Variants in NDUFS1 observed in about 807,000 individuals in gnomAD.
The protein encoded by NDUFS1 is NADH-ubiquinone oxidoreductase 75 kDa subunit, mitochondrial.
In NDUFS1, 61 loss-of-function variants were observed where a neutral mutation model predicts 84.4. That is an observed-to-expected ratio of 0.72 (90% CI 0.59 to 0.89). The LOEUF (loss-of-function observed/expected upper bound fraction) is 0.89. Among genes scored for constraint, NDUFS1 ranks in the 40% least tolerant of loss-of-function variants. The probability of loss-of-function intolerance (pLI) is 0.00; values close to 1 mark genes in which losing one functional copy is unlikely to be tolerated. For missense variants in NDUFS1, 891 were observed against 890.0 expected, an observed-to-expected ratio of 1.00 and a Z score of -0.01; for synonymous variants, 275 against 290.0, an observed-to-expected ratio of 0.95 and a Z score of 0.53.
chr2:206,150,678 T>C (rs539708036), intron 3 of NDUFS1, among the ~76,000 whole-genome samples: 109 of 152,232 alleles, frequency 7.2e-4, no homozygotes, highest in Non-Finnish European at 1.4e-3. Context: ...CTTATGCTGA[T>C]TATGTCCAAA....
Position 206,126,793 on chromosome 2 carries a change from A to G in NDUFS1, c.1936T>C (p.Leu646=), listed in dbSNP as rs759639252. Residue 646 remains leucine, a synonymous_variant, in exon 17 of 19, where the codon TTG becomes CTG. Coordinates refer to ENST00000233190, the MANE Select transcript of NDUFS1 (RefSeq NM_005006.7). ...ACAAGATTAGGAGAGACTTCTTCCA[A>G]TCTGTTCCTTACTTGATCCAGAGTA... is the stretch of plus-strand genomic sequence containing the variant. The part of the protein sequence containing the change: ...YDTLDQVRNR[L]EEVSPNLVRY... 35 of 1,614,052 alleles carry G rather than the reference A, an allele frequency of 2.2e-5. No individual in the cohort carries two copies. Among genetic ancestry groups the G allele is most frequent in the Middle Eastern group, 1.6e-4 (1 of 6,084 alleles).
chr2:206,139,657 A>C (rs933073550), intron 12 of NDUFS1, among the ~76,000 whole-genome samples: 7 of 152,084 alleles, frequency 4.6e-5, no homozygotes, highest in Non-Finnish European at 7.4e-5. Context: ...CTATGGCTCC[A>C]GTTCCTCCAA....
At position 206,115,964 on chromosome 2, in the gene NDUFS1, T is replaced by C. The variant is rs1164783941; in HGVS notation, c.*8221A>G. The C allele has an allele frequency of 1.5e-5, 10 of 686,794 alleles. No individual in the cohort carries two copies. The highest frequency in any genetic ancestry group is 1.1e-4 in the Admixed American group (5 of 44,162). The allele number at this position is 686,794 out of a possible 1,614,324, so 42.5% of individuals were successfully genotyped here. On this transcript the variant is annotated 3_prime_UTR_variant, in exon 19 of 19. Transcript: ENST00000233190. ...AATCATTAGAAAGTTAAAAGGCATC[T>C]TCTTTCATTAGCAGTGTTAACAGTA...
chr2:206,147,682 G>A (rs573688842), intron 6 of NDUFS1, 21 bp from the exon 7 acceptor site: 2 of 1,614,018 alleles, frequency 1.2e-6, no homozygotes, highest in African/African-American at 1.3e-5. Context: ...TTATGAAAGA[G>A]TCAATCTCAT....
chr2:206,132,461 G>T (rs1302680145), intron 14 of NDUFS1, among the ~76,000 whole-genome samples: 1 of 152,058 alleles, frequency 6.6e-6, no homozygotes, highest in Non-Finnish European at 1.5e-5. Context: ...TGCGCCTGTA[G>T]CTTCAGCCAT....
At position 206,122,639 on chromosome 2, in the gene NDUFS1, A is replaced by AAAAAAAAAAAAAAAC. The variant is rs1559038202; in HGVS notation, c.*1545_*1546insGTTTTTTTTTTTTTT. 1 of 146,714 alleles carries AAAAAAAAAAAAAAAC rather than the reference A, an allele frequency of 6.8e-6. No individual in the cohort carries two copies. Among genetic ancestry groups the AAAAAAAAAAAAAAAC allele is most frequent in the Non-Finnish European group, 1.5e-5 (1 of 66,784 alleles). The allele number at this position is 146,714 out of a possible 1,614,324, so 9.1% of individuals were successfully genotyped here. On this transcript the variant is annotated 3_prime_UTR_variant, in exon 19 of 19. Coordinates refer to ENST00000233190, the MANE Select transcript of NDUFS1 (RefSeq NM_005006.7). The stretch of plus-strand genomic sequence containing the variant: ...AGTAAGACTCCATCTCAAAAAAAAA[A>AAAAAAAAAAAAAAAC]AAAAAACAAAGGGAAAAAGGGCATC...
At position 206,149,933 on chromosome 2, in the gene NDUFS1, TAAAAAAAAAAAA is replaced by T. The variant is rs568965659; in HGVS notation, c.154-20_154-9del. The T allele has an allele frequency of 6.6e-5, 40 of 604,122 alleles. No homozygotes were observed. The highest frequency in any genetic ancestry group is 1.1e-3 in the Middle Eastern group (2 of 1,892). 37.4% of individuals were successfully genotyped at this position (604,122 alleles called of 1,614,324 possible). On this transcript the variant is annotated splice_polypyrimidine_tract_variant and intron_variant, in intron 3 of 18. Coordinates refer to ENST00000233190, the MANE Select transcript of NDUFS1 (RefSeq NM_005006.7). ...GCCAACCTTCTCACAAGCCTAGAAG[TAAAAAAAAAAAA>T]AAAAAAAAAAAAAGCATTAGAATAA...
intron 12 of NDUFS1, among the ~76,000 whole-genome samples, chr2:206,140,044 T>C (rs1691876040): frequency 6.6e-6 from 1 of 151,990 alleles, no homozygotes; most frequent in Non-Finnish European, 1.5e-5. Context: ...AATAATATTG[T>C]ATCAAAACTA....
At chr2:206,126,487 T>C (rs1234464030) in intron 18 of NDUFS1, 52 bp downstream of exon 18, 1 of 1,504,240 alleles carries the variant, frequency 6.6e-7, no homozygotes, top group Non-Finnish European at 9.2e-7. Context: ...TGAGGTGATC[T>C]GATTACTTCT....
chr2:206,125,979 T>TAA (rs879547005), intron 18 of NDUFS1, among the ~76,000 whole-genome samples: 2 of 152,228 alleles, frequency 1.3e-5, no homozygotes, highest in Admixed American at 1.3e-4. Flanking sequence ...TAAAAAATCT[T>TAA]AGATACAAAC....
At chr2:206,142,168 A>G in intron 11 of NDUFS1, 99 bp from the exon 12 acceptor site, 1 of 1,035,710 alleles carries the variant, frequency 9.7e-7, no homozygotes, top group Non-Finnish European at 1.4e-6. Flanking sequence ...TGCCTTCTCA[A>G]ACAAAAAATT....
intron 16 of NDUFS1, 135 bp downstream of exon 16, chr2:206,127,647 GTTTCTGAATACATGT>G (rs1435406900): frequency 1.6e-5 from 14 of 852,188 alleles, no homozygotes; most frequent in Non-Finnish European, 2.4e-5. Context: ...TTGAATTCCT[GTTTCTGAATACATGT>G]TTTCTATAGA....
intron 1 of NDUFS1, among the ~76,000 whole-genome samples, chr2:206,155,751 G>T (rs985154887): frequency 1.4e-5 from 2 of 147,960 alleles, no homozygotes; most frequent in Non-Finnish European, 3.0e-5. Flanking sequence ...ATGGGGTTTC[G>T]CCATGTTGGC....
intron 10 of NDUFS1, among the ~76,000 whole-genome samples, chr2:206,143,110 G>A (rs547835940): frequency 6.6e-6 from 1 of 152,132 alleles, no homozygotes; most frequent in Admixed American, 6.6e-5. Flanking sequence ...AAATCAGCTG[G>A]GCATGGTGGC....
rs1465163788 is a variant in NDUFS1, at chr2:206,152,544, T to A, written c.62-34A>T. On this transcript the variant is annotated intron_variant, in intron 2 of 18. Transcript: ENST00000233190. ...CAAAGATATTGAAGCGAAAAACAGA[T>A]TAACAGTTTATTATAGCAGATGATA... The A allele has an allele frequency of 7.6e-6, 12 of 1,573,500 alleles. No individual in the cohort carries two copies. The African/African-American group carries it at 1.6e-4, about 21-fold the overall frequency.
In NDUFS1 at chr2:206,116,759, C is replaced by T. The variant is rs560073045; in HGVS notation, c.*7426G>A. On this transcript the variant is annotated 3_prime_UTR_variant, in exon 19 of 19. Transcript: ENST00000233190. ...AAAATTAGCTGGGCGCGGTGGCTTA[C>T]GCCTGTAATCCCAGCACTTTGGGAG... The T allele has an allele frequency of 2.1e-4, 46 of 223,160 alleles. No individual in the cohort carries two copies. In the South Asian group the frequency reaches 2.8e-3, roughly 14 times the overall value. The allele number at this position is 223,160 out of a possible 1,614,324, so 13.8% of individuals were successfully genotyped here.
At chr2:206,139,319 G>A (rs1438847011) in intron 12 of NDUFS1, among the ~76,000 whole-genome samples, 5 of 151,788 alleles carry the variant, frequency 3.3e-5, no homozygotes, top group Non-Finnish European at 5.9e-5. Flanking sequence ...CGGAGTAGCT[G>A]GGATTACAGG....
rs1559038202 is a variant in NDUFS1, at chr2:206,122,639, A to AAAAAAAAAAAAAAAAAAAC, written c.*1545_*1546insGTTTTTTTTTTTTTTTTTT. 2.0e-5 allele frequency: 3 copies of AAAAAAAAAAAAAAAAAAAC among 146,714 alleles called. No homozygotes were observed. The highest frequency in any genetic ancestry group is 4.5e-5 in the Non-Finnish European group (3 of 66,784). 9.1% of individuals were successfully genotyped at this position (146,714 alleles called of 1,614,324 possible). On this transcript the variant is annotated 3_prime_UTR_variant, in exon 19 of 19. Transcript: ENST00000233190. ...AGTAAGACTCCATCTCAAAAAAAAA[A>AAAAAAAAAAAAAAAAAAAC]AAAAAACAAAGGGAAAAAGGGCATC...
At chr2:206,131,145 C>T (rs1420380928) in intron 14 of NDUFS1, among the ~76,000 whole-genome samples, 1 of 152,056 alleles carries the variant, frequency 6.6e-6, no homozygotes, top group Non-Finnish European at 1.5e-5. Flanking sequence ...ATTCTGAGGA[C>T]CTAAAACAAG....
Sources: allele counts gnomAD v4.1 joint callset (sites outside exome capture counted in the v4.1 genomes callset), GRCh38; gene constraint gnomAD v4.1.1; transcripts MANE v1.5; gene names NCBI Gene and HGNC (gene_info 2026-07-23, HGNC 2026-07-21).